The following TTC28 variants were observed in gnomAD, a reference collection of about 807,000 sequenced individuals.
TTC28 encodes the protein tetratricopeptide repeat protein 28.
A neutral mutation model predicts 198.0 loss-of-function variants in TTC28; 61 were observed. That is an observed-to-expected ratio of 0.31 (90% confidence interval 0.25 to 0.38). The LOEUF (loss-of-function observed/expected upper bound fraction) is 0.38, where lower values mean the gene tolerates loss of function less well. Ranked by LOEUF, TTC28 falls within the 10% of genes least tolerant of loss-of-function variation. The pLI is 1.00. For missense variants in TTC28, 2,678 were observed against 3,164.0 expected (o/e 0.85, Z 3.69); for synonymous variants, 1,171 against 1,297.8 (o/e 0.90, Z 2.10).
At chr22:28,650,794 A>C (rs958753323) in intron 1 of TTC28, among the ~76,000 whole-genome samples, 1 of 152,232 alleles carries the variant, frequency 6.6e-6, no homozygotes, top group African/African-American at 2.4e-5. Flanking sequence ...GGGATGATCT[A>C]TGATCTCCTG....
chr22:28,169,138 A>T lies in TTC28; in HGVS notation c.934-5539T>A, dbSNP rs575618148. Among the ~76,000 whole-genome samples the T allele has an allele frequency of 2.0e-5, 3 of 152,352 alleles. No individual in the cohort carries two copies. The South Asian group carries it at 6.2e-4, about 32-fold the overall frequency. ...CCACAATGATACACCATCGCACACC[A>T]GTTAGAATGGCGATCATTAAAAAGT... On this transcript the variant is annotated intron_variant, in intron 5 of 22. Coordinates refer to ENST00000397906, the MANE Select transcript of TTC28 (RefSeq NM_001145418.2).
chr22:28,066,299 TG>T (rs1940745633), intron 12 of TTC28, among the ~76,000 whole-genome samples: 3 of 150,996 alleles, frequency 2.0e-5, no homozygotes, highest in African/African-American at 7.4e-5. Flanking sequence ...TGTGTGTGTG[TG>T]TGTGGTGTGT....
intron 5 of TTC28, among the ~76,000 whole-genome samples, chr22:28,264,120 T>C (rs1284153337): frequency 6.6e-6 from 1 of 152,068 alleles, no homozygotes; most frequent in Non-Finnish European, 1.5e-5. Flanking sequence ...GCTCCCATAA[T>C]CCCCATATGT....
In TTC28 at chr22:27,983,679, G is replaced by T; in HGVS notation, c.5988C>A (p.Ser1996Arg). 1 of 1,548,960 alleles carries T rather than the reference G, an allele frequency of 6.5e-7. No homozygotes were observed. Among genetic ancestry groups the T allele is most frequent in the Non-Finnish European group, 8.7e-7 (1 of 1,145,858 alleles). Residue 1996 changes from serine (S) to arginine (R), a missense_variant, in exon 23 of 23, where the codon AGC (serine) becomes AGA (arginine). Transcript: ENST00000397906. Reference protein sequence around the residue: ...ASDAISVYSLSSIASSMSFVS... With the variant: ...ASDAISVYSLRSIASSMSFVS... ...CAAAGCTCATTGAGGAGGCAATGGAGCTCAGACTGTACACAGAGATGGCAT... is the reference window on the plus strand; with the variant it reads ...CAAAGCTCATTGAGGAGGCAATGGATCTCAGACTGTACACAGAGATGGCAT...
rs2045410392 is a variant in TTC28 at position 28,319,518 on chromosome 22, C to T, written c.382-12875G>A. Reference sequence around the variant, plus strand: ...TAAGATAATCCTCTATAGATTATAACAAATAATATAACACTGTGGTGTGGG... The same window carrying T: ...TAAGATAATCCTCTATAGATTATAATAAATAATATAACACTGTGGTGTGGG... On this transcript the variant is annotated intron_variant, in intron 2 of 22. Transcript: ENST00000397906. Among the ~76,000 whole-genome samples the T allele has an allele frequency of 2.0e-5, 3 of 152,120 alleles. No individual in the cohort carries two copies. In the South Asian group the frequency reaches 6.2e-4, roughly 32 times the overall value.
intron 2 of TTC28, among the ~76,000 whole-genome samples, chr22:28,355,761 G>A (rs2046067783): frequency 6.6e-6 from 1 of 152,230 alleles, no homozygotes; most frequent in South Asian, 2.1e-4. Context: ...TTGCATGGCT[G>A]AGTATTCAAA....
intron 5 of TTC28, among the ~76,000 whole-genome samples, chr22:28,287,168 G>A (rs2044701292): frequency 1.3e-5 from 2 of 152,076 alleles, no homozygotes; most frequent in Admixed American, 1.3e-4. Flanking sequence ...CATAAAGATA[G>A]ACAAAATTAT....
At chr22:28,315,162 T>C (rs952978345) in intron 2 of TTC28, among the ~76,000 whole-genome samples, 6 of 152,124 alleles carry the variant, frequency 3.9e-5, no homozygotes, top group African/African-American at 1.4e-4. Flanking sequence ...GTTCTCACTA[T>C]AGGAATGCAG....
At chr22:28,051,204 G>A (rs888435845) in intron 12 of TTC28, among the ~76,000 whole-genome samples, 4 of 152,154 alleles carry the variant, frequency 2.6e-5, no homozygotes, top group East Asian at 3.8e-4. Flanking sequence ...ACCTAAAACT[G>A]AACAAGTCAG....
At chr22:27,985,124 A>G (rs2146500729) in intron 22 of TTC28, 125 bp downstream of exon 22, 1 of 687,274 alleles carries the variant, frequency 1.5e-6, no homozygotes. Flanking sequence ...CTGTTCCCTA[A>G]CAAACATACA....
intron 2 of TTC28, among the ~76,000 whole-genome samples, chr22:28,513,076 G>A (rs1297896572): frequency 2.0e-5 from 3 of 149,456 alleles, no homozygotes; most frequent in Non-Finnish European, 4.4e-5. Flanking sequence ...AAAGCTCCTG[G>A]ATCAGGCGAT....
chr22:28,487,903 G>A (rs184961568), intron 2 of TTC28, among the ~76,000 whole-genome samples: 104 of 152,234 alleles, frequency 6.8e-4, no homozygotes, highest in Non-Finnish European at 1.2e-4. Context: ...CCATGTAACC[G>A]AGTATCTTAT....
At chr22:28,312,911 A>G (rs1485805658) in intron 2 of TTC28, among the ~76,000 whole-genome samples, 1 of 152,204 alleles carries the variant, frequency 6.6e-6, no homozygotes, top group South Asian at 2.1e-4. Flanking sequence ...CAAAAAATCA[A>G]TGAATACAGG....
chr22:28,473,387 G>A (rs1328833117), intron 2 of TTC28, among the ~76,000 whole-genome samples: 1 of 152,116 alleles, frequency 6.6e-6, no homozygotes, highest in African/African-American at 2.4e-5. Flanking sequence ...ACCAGATTGA[G>A]GACTAGCTAA....
At chr22:28,297,450 C>T (rs1229924855) in intron 4 of TTC28, 130 bp downstream of exon 4, 2 of 1,153,800 alleles carry the variant, frequency 1.7e-6, no homozygotes, top group Non-Finnish European at 2.4e-6. Context: ...AGCAATCCTC[C>T]CAAAGCACTG....
intron 2 of TTC28, among the ~76,000 whole-genome samples, chr22:28,550,547 G>A (rs913360271): frequency 6.6e-5 from 10 of 152,096 alleles, no homozygotes; most frequent in African/African-American, 1.9e-4. Context: ...TATCAGGAGT[G>A]TGCGTCTATC....
chr22:28,552,931 C>T (rs377340515), intron 2 of TTC28, among the ~76,000 whole-genome samples: 47 of 152,276 alleles, frequency 3.1e-4, no homozygotes, highest in South Asian at 1.7e-3. Context: ...TGATTGCAGG[C>T]GCGCGCCACC....
intron 2 of TTC28, among the ~76,000 whole-genome samples, chr22:28,428,661 CAG>C (rs2047387253): frequency 9.4e-6 from 1 of 105,972 alleles, no homozygotes; most frequent in African/African-American, 2.7e-5. Context: ...TTTTTTGAGA[CAG>C]AGTCTTGTTC....
chr22:28,364,802 G>A (rs945249321), intron 2 of TTC28, among the ~76,000 whole-genome samples: 42 of 152,170 alleles, frequency 2.8e-4, no homozygotes, highest in African/African-American at 1.0e-3. Flanking sequence ...GAACAAATGA[G>A]GAGTTGCTTC....
Sources: gnomAD v4.1 joint callset for allele counts (sites outside exome capture counted in the v4.1 genomes callset) on GRCh38, gnomAD v4.1.1 for gene constraint, MANE v1.5 for transcripts, NCBI Gene and HGNC (gene_info 2026-07-23, HGNC 2026-07-21) for gene names.